Variants in PSMG2 observed in about 807,000 individuals in gnomAD.
PSMG2 encodes CD40 ligand-activated specific transcript 3.
PSMG2 carries 21 observed loss-of-function variants against 31.5 expected under a neutral mutation model. That is an observed-to-expected ratio of 0.67 (90% CI 0.47 to 0.96). PSMG2 has a LOEUF of 0.96. Ranked by LOEUF, PSMG2 falls within the 40% of genes least tolerant of loss-of-function variation. The pLI is 0.00. For synonymous variants in PSMG2, 120 were observed against 110.4 expected, an observed-to-expected ratio of 1.09 and a Z score of -0.54; for missense variants, 318 against 321.2, an observed-to-expected ratio of 0.99 and a Z score of 0.08.
intron 1 of PSMG2, chr18:12,686,154 A>G: frequency 1.3e-6 from 1 of 794,802 alleles, no homozygotes; most frequent in Non-Finnish European, 1.9e-6. Flanking sequence ...GTGGGTACAG[A>G]GGGTTGACTA....
At chr18:12,713,901 G>A (rs560244283) in intron 3 of PSMG2, among the ~76,000 whole-genome samples, 6 of 152,030 alleles carry the variant, frequency 3.9e-5, no homozygotes, top group South Asian at 2.1e-4. Flanking sequence ...ACAGGGACAC[G>A]CCACCACACT....
intron 1 of PSMG2, chr18:12,680,791 A>C: frequency 6.2e-6 from 10 of 1,613,496 alleles, no homozygotes; most frequent in South Asian, 2.2e-5. Flanking sequence ...TCCAAGAAGA[A>C]GGCTGCACAG....
At chr18:12,683,864 G>A (rs1347940758) in intron 1 of PSMG2, among the ~76,000 whole-genome samples, 1 of 151,704 alleles carries the variant, frequency 6.6e-6, no homozygotes, top group Non-Finnish European at 1.5e-5. Flanking sequence ...TTATAATTAT[G>A]AAATAAATGA....
At chr18:12,667,716 G>A (rs565000843) in intron 1 of PSMG2, among the ~76,000 whole-genome samples, 8 of 148,202 alleles carry the variant, frequency 5.4e-5, no homozygotes, top group Non-Finnish European at 8.9e-5. Flanking sequence ...AACCAAGATC[G>A]TGCCACTGCA....
intron 1 of PSMG2, among the ~76,000 whole-genome samples, chr18:12,675,532 A>AC (rs1328241046): frequency 6.6e-6 from 1 of 152,238 alleles, no homozygotes; most frequent in Non-Finnish European, 1.5e-5. Flanking sequence ...GTGATTAAAC[A>AC]AATATTTACT....
chr18:12,724,333 G>A, intron 5 of PSMG2, 166 bp from the exon 6 acceptor site: 2 of 641,164 alleles, frequency 3.1e-6, no homozygotes, highest in South Asian at 2.8e-5. Context: ...GCTCTCACAA[G>A]TAGAAAACTC....
chr18:12,682,870 C>G (rs1236276534), intron 1 of PSMG2, among the ~76,000 whole-genome samples: 1 of 151,964 alleles, frequency 6.6e-6, no homozygotes, highest in Non-Finnish European at 1.5e-5. Flanking sequence ...GATCCACCCA[C>G]CTCGGCCTCC....
upstream of PSMG2, chr18:12,698,690 T>A (rs944995013): frequency 1.7e-5 from 5 of 301,000 alleles, no homozygotes; most frequent in Admixed American, 9.1e-5. Context: ...CACTATATCA[T>A]CCCAGCACCT....
chr18:12,690,965 C>T (rs1159413986), intron 1 of PSMG2, among the ~76,000 whole-genome samples: 1 of 146,070 alleles, frequency 6.8e-6, no homozygotes, highest in Non-Finnish European at 1.5e-5. Flanking sequence ...CACACAAGAG[C>T]TGGATTTACA....
intron 5 of PSMG2, among the ~76,000 whole-genome samples, 161 bp downstream of exon 5, chr18:12,720,844 G>A (rs2040424080): frequency 6.6e-6 from 1 of 151,618 alleles, no homozygotes; most frequent in African/African-American, 2.4e-5. Flanking sequence ...GTCAGAGAAT[G>A]TATTGGATTA....
chr18:12,713,287 C>G (rs2040348095), intron 3 of PSMG2, among the ~76,000 whole-genome samples: 1 of 152,178 alleles, frequency 6.6e-6, no homozygotes, highest in Admixed American at 6.5e-5. Context: ...CTTCTCCTCT[C>G]ACTCAAAATT....
chr18:12,668,067 C>T (rs976091704), intron 1 of PSMG2, among the ~76,000 whole-genome samples: 2 of 151,922 alleles, frequency 1.3e-5, no homozygotes, highest in Admixed American at 6.6e-5. Flanking sequence ...GAGTTTGAAA[C>T]CAGCCTGGCC....
chr18:12,701,708 C>T (rs2040156567), upstream of PSMG2, among the ~76,000 whole-genome samples: 1 of 152,140 alleles, frequency 6.6e-6, no homozygotes, highest in South Asian at 2.1e-4. Flanking sequence ...TCTTCTGGAG[C>T]TCCGAAATAT....
intron 1 of PSMG2, among the ~76,000 whole-genome samples, chr18:12,668,347 T>G (rs2038848330): frequency 6.6e-6 from 1 of 151,840 alleles, no homozygotes; most frequent in South Asian, 2.1e-4. Flanking sequence ...ATCTCAGCAC[T>G]TTGGGAACCC....
intron 1 of PSMG2, among the ~76,000 whole-genome samples, chr18:12,703,614 G>A (rs1183083067): frequency 5.3e-5 from 8 of 152,120 alleles, no homozygotes. Context: ...TTCATTCATT[G>A]TTTTAATAAA....
intron 1 of PSMG2, among the ~76,000 whole-genome samples, chr18:12,679,914 G>C (rs2039284127): frequency 6.6e-6 from 1 of 151,940 alleles, no homozygotes; most frequent in Non-Finnish European, 1.5e-5. Context: ...AAATTAGCTA[G>C]GCATGGCTGT....
upstream of PSMG2, among the ~76,000 whole-genome samples, chr18:12,698,312 G>A (rs560995637): frequency 3.9e-4 from 59 of 151,774 alleles, no homozygotes; most frequent in Non-Finnish European, 7.4e-4. Context: ...CATTACACGC[G>A]CCTGCCACCA....
At chr18:12,665,733 T>C (rs1422380657) in intron 1 of PSMG2, among the ~76,000 whole-genome samples, 2 of 152,174 alleles carry the variant, frequency 1.3e-5, no homozygotes, top group Non-Finnish European at 2.9e-5. Flanking sequence ...GTCTTGCTCT[T>C]GTCACCCAGA....
upstream of PSMG2, chr18:12,699,095 G>A (rs781605558): frequency 1.9e-5 from 30 of 1,613,872 alleles, no homozygotes; most frequent in Admixed American, 3.2e-4. Flanking sequence ...TAAAGTAAAC[G>A]TTGAACAAAC....
Sources: gnomAD v4.1 joint callset for allele counts (sites outside exome capture counted in the v4.1 genomes callset) on GRCh38, gnomAD v4.1.1 for gene constraint, MANE v1.5 for transcripts, NCBI Gene and HGNC (gene_info 2026-07-23, HGNC 2026-07-21) for gene names.